The following DCAF17 variants were observed in gnomAD, a reference collection of about 807,000 sequenced individuals.
DCAF17 encodes the protein DDB1- and CUL4-associated factor 17.
DCAF17 carries 48 observed loss-of-function variants against 66.0 expected under a neutral mutation model. The ratio of observed to expected loss-of-function variants is 0.73; its 90% CI spans 0.58 to 0.92. The LOEUF is 0.92. DCAF17 is among the 40% of genes least tolerant of loss of function. DCAF17 has a pLI of 0.00. For synonymous variants in DCAF17, 206 were observed against 214.6 expected (o/e 0.96, Z 0.35); for missense variants, 562 against 622.8 (o/e 0.90, Z 1.04).
chr2:171,461,652 A>G (rs1695592527), intron 8 of DCAF17, among the ~76,000 whole-genome samples: 4 of 152,002 alleles, frequency 2.6e-5, no homozygotes, highest in African/African-American at 7.2e-5. Context: ...TAAGAAATCA[A>G]CTCTATTGAG....
rs184364173 is a variant in DCAF17 at position 171,465,156 on chromosome 2, C to G, written c.839-3732C>G. Among the ~76,000 whole-genome samples, 1,230 of 151,648 alleles carry G rather than the reference C, an allele frequency of 8.1e-3. 19 individuals carry two copies. Among genetic ancestry groups the G allele is most frequent in the African/African-American group, 0.028 (1,143 of 41,332 alleles). ...GAGGTTGCAGTGAGCCGAGATTGCG[C>G]CACTGCACTCCAGCCTGGGTGACAG... is the stretch of plus-strand genomic sequence containing the variant. On this transcript the variant is annotated intron_variant, in intron 8 of 13. Transcript: ENST00000375255.
chr2:171,453,644 A>C (rs750701779), intron 6 of DCAF17, among the ~76,000 whole-genome samples: 5 of 152,200 alleles, frequency 3.3e-5, no homozygotes, highest in Admixed American at 3.3e-4. Flanking sequence ...AAATTTTCCA[A>C]TTCATTCAGT....
At chr2:171,438,151 A>G (rs2105722355) in intron 2 of DCAF17, among the ~76,000 whole-genome samples, 1 of 152,320 alleles carries the variant, frequency 6.6e-6, no homozygotes, top group African/African-American at 2.4e-5. Context: ...CACTCTCCAA[A>G]TATATTGGGA....
At position 171,458,084 on chromosome 2, in the gene DCAF17, A is replaced by G. The variant is rs775291842; in HGVS notation, c.732+9A>G. On this transcript the variant is annotated intron_variant, in intron 7 of 13. Coordinates refer to ENST00000375255, the MANE Select transcript of DCAF17 (RefSeq NM_025000.4). ...AAACCATCGCTGAACAGGTAGAGAAAACTGAAATTTGTCATGTTACTATTA... is the reference window on the plus strand; with the variant it reads ...AAACCATCGCTGAACAGGTAGAGAAGACTGAAATTTGTCATGTTACTATTA... 1.9e-6 allele frequency: 3 copies of G among 1,610,420 alleles called. No homozygotes were observed. Among genetic ancestry groups the G allele is most frequent in the African/African-American group, 2.7e-5 (2 of 74,836 alleles).
At chr2:171,441,923 T>C (rs1694326497) in intron 2 of DCAF17, among the ~76,000 whole-genome samples, 1 of 152,212 alleles carries the variant, frequency 6.6e-6, no homozygotes, top group Non-Finnish European at 1.5e-5. Flanking sequence ...AATCTGGACA[T>C]GTTATCTTAT....
rs141383439 is a variant in DCAF17, at chr2:171,480,858, A to G, written c.1423-116A>G. On this transcript the variant is annotated intron_variant, in intron 13 of 13. Coordinates refer to ENST00000375255, the MANE Select transcript of DCAF17 (RefSeq NM_025000.4). ...AAAAATAAACCTCTTTCTAGCAACTATTTTCTTCTAAGTGTATGTTTGAAG... is the reference window on the plus strand; with the variant it reads ...AAAAATAAACCTCTTTCTAGCAACTGTTTTCTTCTAAGTGTATGTTTGAAG... 8.4e-5 allele frequency: 110 copies of G among 1,301,834 alleles called. No homozygotes were observed. The East Asian group carries it at 8.8e-4, about 10-fold the overall frequency. 80.6% of individuals were successfully genotyped at this position (1,301,834 alleles called of 1,614,324 possible).
In DCAF17 at chr2:171,483,401, G is replaced by A. The variant is rs1171932777; in HGVS notation, c.*2287G>A. ...GTAGCTTCCATCAGCAGGTACAGAC[G>A]TTACGCTGAAAAGAGGTGCATTCTG... is the stretch of plus-strand genomic sequence containing the variant. On this transcript the variant is annotated 3_prime_UTR_variant, in exon 14 of 14. Coordinates refer to ENST00000375255, the MANE Select transcript of DCAF17 (RefSeq NM_025000.4). 10 of 453,958 alleles carry A rather than the reference G, an allele frequency of 2.2e-5. No individual in the cohort carries two copies. The East Asian group carries it at 4.2e-4, about 19-fold the overall frequency. The allele number at this position is 453,958 out of a possible 1,614,324, so 28.1% of individuals were successfully genotyped here. A position where few individuals can be genotyped will look rare whatever the true frequency, so the allele number is the denominator to read the frequency against.
intron 6 of DCAF17, among the ~76,000 whole-genome samples, chr2:171,455,603 T>A (rs562583654): frequency 3.9e-4 from 60 of 152,372 alleles, no homozygotes; most frequent in African/African-American, 1.3e-3. Context: ...TCTTCCATAA[T>A]GGTCAGACTA....
At chr2:171,462,003 T>A (rs182771210) in intron 8 of DCAF17, among the ~76,000 whole-genome samples, 112 of 152,346 alleles carry the variant, frequency 7.4e-4, no homozygotes, top group Non-Finnish European at 4.0e-4. Context: ...TAACCCACTT[T>A]TTGATGTTAA....
chr2:171,480,006 C>G, intron 12 of DCAF17, 32 bp from the exon 13 acceptor site: 1 of 1,611,208 alleles, frequency 6.2e-7, no homozygotes, highest in African/African-American at 1.3e-5. Flanking sequence ...GATTTTGCCC[C>G]TTTCCCTCTA....
intron 2 of DCAF17, among the ~76,000 whole-genome samples, chr2:171,442,563 CAAAAAAAAAAAAA>C (rs1176443561): frequency 1.7e-5 from 1 of 60,600 alleles, no homozygotes; most frequent in African/African-American, 6.7e-5. Context: ...GACTCCATCT[CAAAAAAAAAAAAA>C]AAAAAAAGAA....
chr2:171,474,051 C>T (rs774910948), intron 10 of DCAF17, 76 bp downstream of exon 10: 276 of 1,220,850 alleles, frequency 2.3e-4, no homozygotes, highest in Non-Finnish European at 3.1e-4. Flanking sequence ...TTTTTGCCAG[C>T]GAACTAGTGA....
chr2:171,476,801 T>C (rs1413881019), intron 10 of DCAF17, 59 bp from the exon 11 acceptor site: 17 of 1,262,538 alleles, frequency 1.3e-5, no homozygotes, highest in Non-Finnish European at 1.2e-5. Flanking sequence ...TACTTAAACT[T>C]TGGCACCTTG....
chr2:171,477,909 A>G (rs1696571053), intron 11 of DCAF17, 78 bp from the exon 12 acceptor site: 3 of 1,290,136 alleles, frequency 2.3e-6, no homozygotes, highest in Non-Finnish European at 3.4e-6. Context: ...AAGTTTTACC[A>G]AATTTGTTAA....
chr2:171,480,261 T>A, intron 13 of DCAF17, 68 bp downstream of exon 13: 1 of 1,565,746 alleles, frequency 6.4e-7, no homozygotes, highest in Non-Finnish European at 8.7e-7. Context: ...TTAGAACAGA[T>A]GTTATTGTGT....
chr2:171,453,149 T>C lies in DCAF17; in HGVS notation c.563T>C (p.Leu188Pro). 6.2e-7 allele frequency: 1 copy of C among 1,611,808 alleles called. No homozygotes were observed. The highest frequency in any genetic ancestry group is 8.5e-7 in the Non-Finnish European group (1 of 1,178,814). Residue 188 changes from leucine (L) to proline (P), a missense_variant, in exon 6 of 14, where the codon CTG (leucine) becomes CCG (proline). This residue lies in a region of DCAF17 where 348 missense variants were observed against 355.9 expected (regional missense o/e 0.98). Transcript: ENST00000375255. ...GCAGGCATTCAACAACATGTTTTGC[T>C]GTACCTTGCAGTGTTCCGAGTTCTA... ...RQAGIQQHVL[L>P]YLAVFRVLPF...
chr2:171,473,425 C>T (rs116043944), intron 9 of DCAF17, among the ~76,000 whole-genome samples: 1,866 of 151,920 alleles, frequency 0.012, 45 homozygotes, highest in African/African-American at 0.043. Flanking sequence ...GGCAACATAG[C>T]GAGACTCTAT....
intron 8 of DCAF17, among the ~76,000 whole-genome samples, chr2:171,467,264 A>G (rs1361335102): frequency 1.3e-5 from 2 of 152,182 alleles, no homozygotes; most frequent in African/African-American, 4.8e-5. Flanking sequence ...AGAAATATGG[A>G]AAAAATTAAG....
intron 5 of DCAF17, among the ~76,000 whole-genome samples, chr2:171,450,502 T>C (rs1050735938): frequency 7.9e-5 from 12 of 152,198 alleles, no homozygotes; most frequent in Non-Finnish European, 7.3e-5. Flanking sequence ...TACTAGATTT[T>C]ATAAAGTCTG....
Sources: allele counts gnomAD v4.1 joint callset (sites outside exome capture counted in the v4.1 genomes callset), GRCh38; gene constraint gnomAD v4.1.1; regional missense constraint gnomAD v4.1.1; transcripts MANE v1.5; gene names NCBI Gene and HGNC (gene_info 2026-07-23, HGNC 2026-07-21).